Variants in LRRC4C observed in about 807,000 individuals in gnomAD.
LRRC4C encodes the protein leucine-rich repeat-containing protein 4C.
Under a neutral mutation model 33.6 loss-of-function variants are expected in LRRC4C, and 5 were observed. That is an observed-to-expected ratio of 0.15 (90% CI 0.08 to 0.31). The LOEUF is 0.31. Ranked by LOEUF, LRRC4C falls within the 10% of genes least tolerant of loss-of-function variation. The pLI is 1.00. For synonymous variants in LRRC4C, 329 were observed against 302.0 expected (o/e 1.09, Z -0.93); for missense variants, 560 against 796.7 (o/e 0.70, Z 3.58).
intron 3 of LRRC4C, among the ~76,000 whole-genome samples, chr11:40,616,674 A>T (rs1294208472): frequency 2.6e-5 from 4 of 151,876 alleles, no homozygotes; most frequent in Middle Eastern, 6.8e-3. Context: ...AAAACCAAAC[A>T]CTGCATGTTC....
At chr11:40,422,271 G>A (rs1232786472) in intron 3 of LRRC4C, among the ~76,000 whole-genome samples, 1 of 152,164 alleles carries the variant, frequency 6.6e-6, no homozygotes, top group East Asian at 1.9e-4. Flanking sequence ...CGTAATTGAA[G>A]AGACAAGAGG....
At chr11:40,167,158 T>C (rs1233347409) in intron 5 of LRRC4C, among the ~76,000 whole-genome samples, 1 of 152,162 alleles carries the variant, frequency 6.6e-6, no homozygotes, top group African/African-American at 2.4e-5. Context: ...CCACACTGTG[T>C]AGCCTAGAAT....
At chr11:40,406,079 G>A (rs1949953973) in intron 3 of LRRC4C, among the ~76,000 whole-genome samples, 1 of 152,006 alleles carries the variant, frequency 6.6e-6, no homozygotes, top group South Asian at 2.1e-4. Context: ...GCGGGATGGC[G>A]CTGTAACTGA....
At chr11:40,588,934 T>G (rs571283198) in intron 3 of LRRC4C, among the ~76,000 whole-genome samples, 82 of 152,264 alleles carry the variant, frequency 5.4e-4, no homozygotes, top group Middle Eastern at 3.4e-3. Context: ...GGTGTGGTGC[T>G]GAAAAAAATG....
At chr11:40,485,817 G>A (rs920790720) in intron 3 of LRRC4C, among the ~76,000 whole-genome samples, 1 of 152,022 alleles carries the variant, frequency 6.6e-6, no homozygotes, top group Non-Finnish European at 1.5e-5. Context: ...ATACTGTACA[G>A]CCATAAAAAA....
intron 1 of LRRC4C, among the ~76,000 whole-genome samples, chr11:40,952,742 G>C (rs1958753817): frequency 6.6e-6 from 1 of 151,640 alleles, no homozygotes; most frequent in African/African-American, 2.4e-5. Flanking sequence ...CACAGATCTT[G>C]ATCACAATCA....
intron 3 of LRRC4C, among the ~76,000 whole-genome samples, chr11:40,571,250 G>A (rs1591140484): frequency 6.6e-6 from 1 of 152,130 alleles, no homozygotes. Context: ...GTTCCGTGCT[G>A]TTTGAGTACA....
At chr11:40,288,904 C>T (rs1944015382) in intron 4 of LRRC4C, among the ~76,000 whole-genome samples, 1 of 152,118 alleles carries the variant, frequency 6.6e-6, no homozygotes, top group African/African-American at 2.4e-5. Context: ...AAATGACACA[C>T]TTAAAATACC....
rs1310816984 is a variant in LRRC4C, at chr11:41,143,299, CCAGAACTAAGAAAGAATTTCAATT to C, written c.-495-209600_-495-209577del. Among the ~76,000 whole-genome samples the C allele has an allele frequency of 7.3e-5, 7 of 96,460 alleles. No individual in the cohort carries two copies. The Admixed American group carries it at 1.2e-3, about 16-fold the overall frequency. 63.3% of individuals were successfully genotyped at this position (96,460 alleles called of 152,430 possible). On this transcript the variant is annotated intron_variant, in intron 1 of 6. Coordinates refer to ENST00000528697, the MANE Select transcript of LRRC4C (RefSeq NM_001258419.2). ...ACATTCTTTTTAAAAAATAAATTTTCCAGAACTAAGAAAGAATTTCAATTAAAGGATCAGGAAAGGTACCTACTT... is the reference window on the plus strand; with the variant it reads ...ACATTCTTTTTAAAAAATAAATTTTCAAAGGATCAGGAAAGGTACCTACTT...
chr11:40,304,568 C>T (rs1031421984), intron 4 of LRRC4C, among the ~76,000 whole-genome samples: 1 of 152,120 alleles, frequency 6.6e-6, no homozygotes, highest in African/African-American at 2.4e-5. Context: ...TTAACTTCTT[C>T]TCTACCTCAG....
chr11:41,424,613 GA>G (rs1954977190), intron 1 of LRRC4C, among the ~76,000 whole-genome samples: 2 of 152,072 alleles, frequency 1.3e-5, no homozygotes, highest in Admixed American at 1.3e-4. Flanking sequence ...CAAGTACCAA[GA>G]TGGAGTACAT....
At chr11:40,916,827 T>C (rs913207616) in intron 2 of LRRC4C, among the ~76,000 whole-genome samples, 1 of 151,980 alleles carries the variant, frequency 6.6e-6, no homozygotes, top group Non-Finnish European at 1.5e-5. Flanking sequence ...TTGGTTGAGG[T>C]TTATATTTAT....
rs542387772 is a variant in LRRC4C, at chr11:40,465,903, A to G, written c.-269-146182T>C. ...AATTAAAAAATGGAACTACCATTTG[A>G]TCCAGCAATTCCGCTATTGGGTATC... On this transcript the variant is annotated intron_variant, in intron 3 of 6. Coordinates refer to ENST00000528697, the MANE Select transcript of LRRC4C (RefSeq NM_001258419.2). Among the ~76,000 whole-genome samples the G allele has an allele frequency of 2.6e-5, 4 of 152,210 alleles. No individual in the cohort carries two copies. In the South Asian group the frequency reaches 6.2e-4, roughly 24 times the overall value.
intron 3 of LRRC4C, among the ~76,000 whole-genome samples, chr11:40,426,627 T>G (rs569694793): frequency 6.6e-6 from 1 of 152,296 alleles, no homozygotes; most frequent in African/African-American, 2.4e-5. Flanking sequence ...ATTTATTTAT[T>G]AAGTGTATAT....
At chr11:40,259,791 A>G (rs1052264319) in intron 4 of LRRC4C, among the ~76,000 whole-genome samples, 4 of 151,940 alleles carry the variant, frequency 2.6e-5, no homozygotes, top group East Asian at 1.9e-4. Context: ...TGGTACCAGT[A>G]CCATGCTGTT....
At chr11:41,094,437 T>C (rs1412256715) in intron 1 of LRRC4C, among the ~76,000 whole-genome samples, 1 of 151,640 alleles carries the variant, frequency 6.6e-6, no homozygotes, top group Non-Finnish European at 1.5e-5. Flanking sequence ...GGCAGGAGAA[T>C]GGCATGAACC....
chr11:41,113,366 A>C (rs989260673), intron 1 of LRRC4C, among the ~76,000 whole-genome samples: 2 of 151,996 alleles, frequency 1.3e-5, no homozygotes, highest in African/African-American at 4.8e-5. Flanking sequence ...CAGCTTAATC[A>C]TGTCTGCCCA....
chr11:40,636,900 T>A (rs1941786864), intron 3 of LRRC4C, among the ~76,000 whole-genome samples: 1 of 152,196 alleles, frequency 6.6e-6, no homozygotes. Context: ...GTGAGCACCC[T>A]GAGAATGCCG....
At chr11:41,267,891 G>T (rs945770555) in intron 1 of LRRC4C, among the ~76,000 whole-genome samples, 4 of 152,050 alleles carry the variant, frequency 2.6e-5, no homozygotes, top group African/African-American at 9.7e-5. Flanking sequence ...TTTAGTATGA[G>T]GAGTAATAAT....
Sources: gnomAD v4.1 joint callset for allele counts (sites outside exome capture counted in the v4.1 genomes callset) on GRCh38, gnomAD v4.1.1 for gene constraint, MANE v1.5 for transcripts, NCBI Gene and HGNC (gene_info 2026-07-23, HGNC 2026-07-21) for gene names.